STK3: variants seen among roughly 807,000 people sequenced by gnomAD.
STK3 encodes serine/threonine-protein kinase 3.
In STK3, 41 loss-of-function variants were observed where a neutral mutation model predicts 58.0. That is an observed-to-expected ratio of 0.71 (90% CI 0.55 to 0.92). The LOEUF (loss-of-function observed/expected upper bound fraction) is 0.92. Among genes scored for constraint, STK3 ranks in the 40% least tolerant of loss-of-function variants. STK3 has a pLI of 0.00. For missense variants in STK3, 479 were observed against 602.7 expected, an observed-to-expected ratio of 0.79 and a Z score of 2.15; for synonymous variants, 170 against 191.0, an observed-to-expected ratio of 0.89 and a Z score of 0.91.
At chr8:98,353,260 G>A in the STK3 span, among the ~76,000 whole-genome samples, 1 of 152,138 alleles carries the variant, frequency 6.6e-6, no homozygotes, top group South Asian at 2.1e-4. Context: ...GATCACTTGA[G>A]CCCAGGAGTA....
intron 3 of STK3, among the ~76,000 whole-genome samples, chr8:98,407,171 C>T (rs1818001638): frequency 6.6e-6 from 1 of 152,116 alleles, no homozygotes; most frequent in African/African-American, 2.4e-5. Context: ...AGTTTAAGTC[C>T]AGAATTAAGC....
chr8:98,887,172 T>C (rs375428848), intron 1 of STK3, among the ~76,000 whole-genome samples: 11 of 152,204 alleles, frequency 7.2e-5, no homozygotes, highest in Admixed American at 2.6e-4. Flanking sequence ...TAATAGTTGT[T>C]ATGGTGTCTT....
upstream of STK3, among the ~76,000 whole-genome samples, chr8:98,390,390 CTCA>C (rs1817837548): frequency 6.6e-6 from 1 of 152,118 alleles, no homozygotes; most frequent in Admixed American, 6.5e-5. Context: ...ATGAGAAGTC[CTCA>C]AGCATTGGAA....
chr8:98,718,556 T>G (rs1827187708), intron 4 of STK3, among the ~76,000 whole-genome samples: 1 of 152,124 alleles, frequency 6.6e-6, no homozygotes, highest in South Asian at 2.1e-4. Context: ...TCCTAAACAT[T>G]TGAAACGTGG....
chr8:98,345,646 C>T, the STK3 span, among the ~76,000 whole-genome samples: 1 of 151,900 alleles, frequency 6.6e-6, no homozygotes, highest in Non-Finnish European at 1.5e-5. Context: ...CTGAACCAGG[C>T]ATGGAAAGAG....
intron 1 of STK3, among the ~76,000 whole-genome samples, chr8:98,783,518 C>G (rs1277358671): frequency 1.3e-5 from 2 of 152,198 alleles, no homozygotes; most frequent in South Asian, 2.1e-4. Context: ...GGTGGAGAAT[C>G]TTGCCTCTAT....
intron 1 of STK3, among the ~76,000 whole-genome samples, chr8:98,899,293 T>G (rs955329294): frequency 6.6e-6 from 1 of 152,072 alleles, no homozygotes; most frequent in African/African-American, 2.4e-5. Context: ...TTTGCAAAAT[T>G]TTTTGCAAAG....
At chr8:98,618,216 A>G (rs1299681878) in intron 6 of STK3, among the ~76,000 whole-genome samples, 1 of 151,580 alleles carries the variant, frequency 6.6e-6, no homozygotes, top group Non-Finnish European at 1.5e-5. Context: ...CAAAAACCAC[A>G]TGATTATCTC....
intron 8 of STK3, among the ~76,000 whole-genome samples, chr8:98,570,153 G>C (rs1008607564): frequency 1.3e-5 from 2 of 150,622 alleles, no homozygotes; most frequent in Admixed American, 6.6e-5. Context: ...GAGATAAAGA[G>C]AGTCTCACTT....
intron 6 of STK3, among the ~76,000 whole-genome samples, chr8:98,614,286 A>G (rs767429755): frequency 3.6e-4 from 55 of 152,366 alleles, no homozygotes; most frequent in Non-Finnish European, 7.3e-4. Flanking sequence ...GGCATAAAAC[A>G]TACATCAACA....
intron 6 of STK3, among the ~76,000 whole-genome samples, chr8:98,683,578 A>G (rs780066210): frequency 1.1e-4 from 16 of 152,166 alleles, no homozygotes; most frequent in Non-Finnish European, 2.1e-4. Flanking sequence ...CAACTATATC[A>G]AAATAACTAT....
chr8:98,374,316 C>A (rs538523232), intron 2 of STK3, among the ~76,000 whole-genome samples: 1 of 152,306 alleles, frequency 6.6e-6, no homozygotes, highest in East Asian at 1.9e-4. Flanking sequence ...AAGAGGCCGT[C>A]TGTCTAAGCC....
At chr8:98,391,307 T>A (rs534529664), upstream of STK3, 3 of 152,380 alleles carry the variant, frequency 2.0e-5, no homozygotes, top group African/African-American at 7.2e-5. Context: ...CATTCAGTTC[T>A]GCCCCTAGGT....
intron 4 of STK3, among the ~76,000 whole-genome samples, chr8:98,747,821 G>C (rs1015963812): frequency 6.6e-6 from 1 of 152,120 alleles, no homozygotes; most frequent in Non-Finnish European, 1.5e-5. Flanking sequence ...AGAACCCAGG[G>C]TACCTGTTGT....
upstream of STK3, among the ~76,000 whole-genome samples, chr8:98,829,063 T>C (rs1835432380): frequency 6.6e-6 from 1 of 152,206 alleles, no homozygotes; most frequent in Admixed American, 6.5e-5. Context: ...CCTTGGCTTA[T>C]GGTTGGGTCT....
intron 1 of STK3, among the ~76,000 whole-genome samples, chr8:98,808,192 A>G (rs748352033): frequency 6.6e-6 from 1 of 152,268 alleles, no homozygotes; most frequent in Non-Finnish European, 1.5e-5. Context: ...CTGTATTTCA[A>G]TCTTCTCTAA....
chr8:98,549,253 C>T (rs1810970980), intron 8 of STK3, among the ~76,000 whole-genome samples: 1 of 152,160 alleles, frequency 6.6e-6, no homozygotes, highest in South Asian at 2.1e-4. Context: ...TTCTCCACAT[C>T]CTTGGCAACA....
intron 1 of STK3, among the ~76,000 whole-genome samples, chr8:98,893,528 GAAAGAAAGAAAA>G (rs1315566887): frequency 1.3e-4 from 17 of 132,712 alleles, no homozygotes; most frequent in Non-Finnish European, 2.3e-4. Context: ...AAGAAAGAAA[GAAAGAAAGAAAA>G]AGAAAGAGAA....
intron 10 of STK3, among the ~76,000 whole-genome samples, chr8:98,476,015 G>A (rs1429896480): frequency 6.6e-6 from 1 of 152,076 alleles, no homozygotes; most frequent in Non-Finnish European, 1.5e-5. Flanking sequence ...TTCCATCTAG[G>A]CCTTAGATAC....
Sources: gnomAD v4.1 joint callset for allele counts (sites outside exome capture counted in the v4.1 genomes callset) on GRCh38, gnomAD v4.1.1 for gene constraint, MANE v1.5 for transcripts, NCBI Gene and HGNC (gene_info 2026-07-23, HGNC 2026-07-21) for gene names.